CDK14: variants seen among roughly 807,000 people sequenced by gnomAD.
CDK14 encodes cyclin dependent kinase 14.
Under a neutral mutation model 60.7 loss-of-function variants are expected in CDK14, and 34 were observed. That is an observed-to-expected ratio of 0.56 (90% CI 0.43 to 0.75). The LOEUF is 0.75. CDK14 is among the 30% of genes least tolerant of loss of function. The pLI is 0.00. For missense variants in CDK14, 482 were observed against 564.1 expected (o/e 0.85, Z 1.47); for synonymous variants, 197 against 203.7 (o/e 0.97, Z 0.28).
At chr7:91,046,963 T>C (rs1449152445) in intron 11 of CDK14, among the ~76,000 whole-genome samples, 1 of 152,194 alleles carries the variant, frequency 6.6e-6, no homozygotes, top group Non-Finnish European at 1.5e-5. Flanking sequence ...AAGTGCGCAG[T>C]GTGTTCAGAA....
intron 11 of CDK14, among the ~76,000 whole-genome samples, chr7:91,069,033 C>T (rs536004491): frequency 2.6e-4 from 40 of 152,104 alleles, no homozygotes; most frequent in African/African-American, 9.4e-4. Flanking sequence ...GTGTCTTCAG[C>T]CCCAAGAATT....
chr7:91,067,860 T>A (rs895439330), intron 11 of CDK14, among the ~76,000 whole-genome samples: 2 of 152,226 alleles, frequency 1.3e-5, no homozygotes, highest in African/African-American at 4.8e-5. Flanking sequence ...AGAATAATAA[T>A]TTACTTATAA....
chr7:91,159,423 G>A (rs570760592), intron 14 of CDK14, among the ~76,000 whole-genome samples: 5 of 152,308 alleles, frequency 3.3e-5, no homozygotes, highest in Admixed American at 3.3e-4. Flanking sequence ...GTGAAAATAA[G>A]CATTCTGTAG....
chr7:90,776,816 G>T (rs898503977), intron 4 of CDK14, among the ~76,000 whole-genome samples: 6 of 152,064 alleles, frequency 3.9e-5, no homozygotes, highest in Non-Finnish European at 1.5e-5. Flanking sequence ...GATCTTTGAG[G>T]ATCTATGAAA....
chr7:91,018,703 G>A (rs1796363566), intron 10 of CDK14, among the ~76,000 whole-genome samples: 1 of 152,164 alleles, frequency 6.6e-6, no homozygotes, highest in South Asian at 2.1e-4. Context: ...TTGTTTAAAA[G>A]TGTGCAGCAC....
At position 90,806,962 on chromosome 7, in the gene CDK14, T is replaced by C. The variant is rs1788869291; in HGVS notation, c.544+16310T>C. Among the ~76,000 whole-genome samples, 3 of 152,248 alleles carry C rather than the reference T, an allele frequency of 2.0e-5. No homozygotes were observed. In the South Asian group the frequency reaches 6.2e-4, roughly 32 times the overall value. ...CCCAGGCTTGAGTAGGTAAACAAAG[T>C]GGCCAGGAAGCTCAAACTGGGTGGA... On this transcript the variant is annotated intron_variant, in intron 5 of 14. Transcript: ENST00000380050.
chr7:91,083,094 C>T (rs1192843165), intron 12 of CDK14, among the ~76,000 whole-genome samples: 1 of 151,982 alleles, frequency 6.6e-6, no homozygotes, highest in African/African-American at 2.4e-5. Context: ...AATCATCTTT[C>T]CCCACTTTCA....
chr7:90,777,758 A>G (rs944053263), intron 4 of CDK14, among the ~76,000 whole-genome samples: 1 of 152,206 alleles, frequency 6.6e-6, no homozygotes, highest in Non-Finnish European at 1.5e-5. Context: ...GACTGCCAGG[A>G]TGGAATCCTC....
rs556868529 is a variant in CDK14 at position 90,781,019 on chromosome 7, G to A, written c.465-9554G>A. ...GTTGAACTAGTTTACAGTCCCACCA[G>A]CAGTGTAAAAGTGTTCCTATTTCCC... is the stretch of plus-strand genomic sequence containing the variant. On this transcript the variant is annotated intron_variant, in intron 4 of 14. Transcript: ENST00000380050. 2.4e-3 allele frequency among the ~76,000 whole-genome samples: 365 copies of A among 151,886 alleles called. 5 individuals carry two copies. Among genetic ancestry groups the A allele is most frequent in the African/African-American group, 7.8e-3 (323 of 41,358 alleles).
chr7:91,068,807 TA>T (rs57179045), intron 11 of CDK14, among the ~76,000 whole-genome samples: 4,062 of 68,678 alleles, frequency 0.059, 94 homozygotes, highest in Middle Eastern at 0.21. Context: ...TACCTTATAT[TA>T]AAAAAAAAAA....
chr7:91,139,717 T>C (rs956919623), intron 14 of CDK14, among the ~76,000 whole-genome samples: 1 of 152,230 alleles, frequency 6.6e-6, no homozygotes, highest in Non-Finnish European at 1.5e-5. Context: ...AACATTATTT[T>C]GGTTTTCTTT....
intron 2 of CDK14, chr7:90,632,339 TG>T: frequency 3.1e-6 from 1 of 325,448 alleles, no homozygotes; most frequent in South Asian, 2.9e-5. Context: ...ATCTTTTGGT[TG>T]GGATTTATTG....
intron 7 of CDK14, among the ~76,000 whole-genome samples, chr7:90,904,549 C>T (rs1349218193): frequency 1.3e-5 from 2 of 151,348 alleles, no homozygotes; most frequent in African/African-American, 2.4e-5. Flanking sequence ...AGAAATTTGC[C>T]AGAAAATAAA....
intron 14 of CDK14, among the ~76,000 whole-genome samples, chr7:91,164,136 C>T (rs904535764): frequency 6.6e-5 from 10 of 152,158 alleles, no homozygotes; most frequent in Non-Finnish European, 1.3e-4. Context: ...GTTGGCAACA[C>T]ACTAAATGTC....
At chr7:91,117,596 A>G (rs1334418395) in intron 13 of CDK14, among the ~76,000 whole-genome samples, 3 of 152,000 alleles carry the variant, frequency 2.0e-5, no homozygotes, top group African/African-American at 7.3e-5. Context: ...TTTCTTCATA[A>G]CATTTACCAC....
chr7:90,829,711 T>A (rs1789851378), intron 5 of CDK14, among the ~76,000 whole-genome samples: 1 of 152,136 alleles, frequency 6.6e-6, no homozygotes, highest in African/African-American at 2.4e-5. Context: ...TTTTGTATTT[T>A]TAGTAGAGAC....
At chr7:90,722,775 G>C (rs1802504798) in intron 2 of CDK14, among the ~76,000 whole-genome samples, 1 of 152,130 alleles carries the variant, frequency 6.6e-6, no homozygotes, top group Non-Finnish European at 1.5e-5. Flanking sequence ...GAGACTACCT[G>C]ACTCAAAGTA....
intron 14 of CDK14, among the ~76,000 whole-genome samples, chr7:91,124,076 T>C (rs1042781031): frequency 6.6e-6 from 1 of 152,048 alleles, no homozygotes; most frequent in South Asian, 2.1e-4. Flanking sequence ...TTTGTAAAGA[T>C]GGAGTCTCGC....
chr7:90,924,014 A>T (rs576792344), intron 8 of CDK14, among the ~76,000 whole-genome samples: 1 of 152,374 alleles, frequency 6.6e-6, no homozygotes, highest in Non-Finnish European at 1.5e-5. Context: ...GGCAACAGTG[A>T]TTACACTTGA....
Sources: allele counts gnomAD v4.1 joint callset (sites outside exome capture counted in the v4.1 genomes callset), GRCh38; gene constraint gnomAD v4.1.1; transcripts MANE v1.5; gene names NCBI Gene and HGNC (gene_info 2026-07-23, HGNC 2026-07-21).